ERG: variants seen among roughly 807,000 people sequenced by gnomAD.
ERG encodes the protein ETS transcription factor ERG, also known as transcriptional regulator ERG.
A neutral mutation model predicts 55.3 loss-of-function variants in ERG; 9 were observed. The ratio of observed to expected loss-of-function variants is 0.16; its 90% CI spans 0.10 to 0.28. The LOEUF (loss-of-function observed/expected upper bound fraction) is 0.28, where lower values mean the gene tolerates loss of function less well. Ranked by LOEUF, ERG falls within the 10% of genes least tolerant of loss-of-function variation. The probability of loss-of-function intolerance (pLI) is 1.00; values close to 1 mark genes in which losing one functional copy is unlikely to be tolerated. For missense variants in ERG, 434 were observed against 631.6 expected, an observed-to-expected ratio of 0.69 and a Z score of 3.35; for synonymous variants, 223 against 237.3, an observed-to-expected ratio of 0.94 and a Z score of 0.55.
At chr21:38,478,618 G>A (rs1329944804) in intron 1 of ERG, among the ~76,000 whole-genome samples, 2 of 152,184 alleles carry the variant, frequency 1.3e-5, no homozygotes, top group Non-Finnish European at 2.9e-5. Context: ...AGACAATCTT[G>A]CAGAGCCCTC....
At chr21:38,418,153 A>G (rs746150253) in intron 3 of ERG, among the ~76,000 whole-genome samples, 3 of 152,202 alleles carry the variant, frequency 2.0e-5, no homozygotes, top group Non-Finnish European at 2.9e-5. Context: ...AGTAAAATTT[A>G]TATCTTCTAT....
chr21:38,611,531 T>A (rs1299248859), intron 1 of ERG, among the ~76,000 whole-genome samples: 2 of 152,136 alleles, frequency 1.3e-5, no homozygotes, highest in Non-Finnish European at 2.9e-5. Flanking sequence ...GTTCCATGTG[T>A]CTGGAATGTT....
intron 2 of ERG, among the ~76,000 whole-genome samples, chr21:38,562,691 C>A (rs2059900173): frequency 1.3e-5 from 2 of 152,216 alleles, no homozygotes; most frequent in Non-Finnish European, 2.9e-5. Flanking sequence ...CAAGGAGCAA[C>A]ACAGTTTCTA....
At chr21:38,537,281 G>C (rs984864289) in intron 2 of ERG, among the ~76,000 whole-genome samples, 1 of 151,972 alleles carries the variant, frequency 6.6e-6, no homozygotes. Flanking sequence ...GACACCAAAA[G>C]CACAGGCAAC....
At chr21:38,520,648 G>A (rs566852936) in intron 2 of ERG, among the ~76,000 whole-genome samples, 6 of 152,254 alleles carry the variant, frequency 3.9e-5, no homozygotes, top group Non-Finnish European at 7.4e-5. Context: ...AAGCTAAGAC[G>A]CTACCGCATC....
intron 1 of ERG, among the ~76,000 whole-genome samples, chr21:38,456,756 T>G (rs2058993627): frequency 6.6e-6 from 1 of 152,210 alleles, no homozygotes; most frequent in Non-Finnish European, 1.5e-5. Flanking sequence ...AGTGATGATG[T>G]CTGACTCCCT....
chr21:38,425,732 ACTT>A (rs1332013318), intron 2 of ERG, among the ~76,000 whole-genome samples: 4 of 152,130 alleles, frequency 2.6e-5, no homozygotes, highest in African/African-American at 9.7e-5. Flanking sequence ...TATCTCCTCC[ACTT>A]CTTGTTAGTT....
chr21:38,613,256 G>C (rs564067878), intron 1 of ERG, among the ~76,000 whole-genome samples: 1 of 152,286 alleles, frequency 6.6e-6, no homozygotes, highest in East Asian at 1.9e-4. Context: ...AGAAATCACT[G>C]ATCTTTAGTC....
At chr21:38,392,254 T>G (rs539212866) in intron 7 of ERG, 122 bp downstream of exon 7, 100 of 839,746 alleles carry the variant, frequency 1.2e-4, no homozygotes, top group South Asian at 4.7e-4. Flanking sequence ...TTGTCGTCAA[T>G]GGAACAAACC....
At chr21:38,505,405 G>A (rs1253207458) in intron 2 of ERG, among the ~76,000 whole-genome samples, 1 of 152,156 alleles carries the variant, frequency 6.6e-6, no homozygotes, top group Non-Finnish European at 1.5e-5. Flanking sequence ...GCAACGCAGA[G>A]GACACAGAGG....
chr21:38,580,230 G>T (rs756940743), intron 1 of ERG, among the ~76,000 whole-genome samples: 36 of 152,234 alleles, frequency 2.4e-4, no homozygotes, highest in Non-Finnish European at 4.3e-4. Flanking sequence ...TGGGATTACA[G>T]GCGTGAGCCA....
At chr21:38,452,794 G>A (rs1013412457) in intron 1 of ERG, among the ~76,000 whole-genome samples, 4 of 152,180 alleles carry the variant, frequency 2.6e-5, no homozygotes, top group Non-Finnish European at 4.4e-5. Flanking sequence ...GACTTTCTCA[G>A]GGCTCTGAGA....
chr21:38,490,925 C>T (rs544537353), intron 1 of ERG, among the ~76,000 whole-genome samples: 1 of 152,296 alleles, frequency 6.6e-6, no homozygotes, highest in East Asian at 1.9e-4. Flanking sequence ...TACCAAGTGC[C>T]TCCCTGGGCC....
intron 3 of ERG, among the ~76,000 whole-genome samples, chr21:38,412,887 T>C (rs1384605257): frequency 1.3e-5 from 2 of 152,162 alleles, no homozygotes; most frequent in Non-Finnish European, 2.9e-5. Flanking sequence ...CTGTACAGCG[T>C]AGGTTGAAGA....
intron 2 of ERG, among the ~76,000 whole-genome samples, chr21:38,436,804 C>T (rs989299111): frequency 3.9e-5 from 6 of 152,046 alleles, no homozygotes; most frequent in South Asian, 2.1e-4. Flanking sequence ...CCCTGAACAT[C>T]GCTCTGTACT....
At chr21:38,473,358 T>C (rs1168913209) in intron 1 of ERG, among the ~76,000 whole-genome samples, 2 of 151,982 alleles carry the variant, frequency 1.3e-5, no homozygotes, top group African/African-American at 2.4e-5. Context: ...CAGCTTTTCA[T>C]TGCTCTTTCA....
chr21:38,534,717 G>C (rs1344358164), intron 2 of ERG, among the ~76,000 whole-genome samples: 1 of 152,076 alleles, frequency 6.6e-6, no homozygotes, highest in Non-Finnish European at 1.5e-5. Context: ...TTCTACTTCT[G>C]GGTATATATT....
chr21:38,633,878 G>GA (rs5843923), intron 1 of ERG, among the ~76,000 whole-genome samples: 78,694 of 148,082 alleles, frequency 0.53, 21,013 homozygotes, highest in Middle Eastern at 0.63. Flanking sequence ...CAGTTGATAT[G>GA]AAAAAAAAAA....
intron 2 of ERG, among the ~76,000 whole-genome samples, chr21:38,544,027 G>A (rs2059772178): frequency 6.6e-6 from 1 of 152,190 alleles, no homozygotes; most frequent in South Asian, 2.1e-4. Flanking sequence ...GCAATGAGCT[G>A]CCAAGCCCGG....
Sources: allele counts gnomAD v4.1 joint callset (sites outside exome capture counted in the v4.1 genomes callset), GRCh38; gene constraint gnomAD v4.1.1; transcripts MANE v1.5; gene names NCBI Gene and HGNC (gene_info 2026-07-23, HGNC 2026-07-21).